The following PEAK1 variants were observed in gnomAD, a reference collection of about 807,000 sequenced individuals.
PEAK1 encodes pseudopodium enriched atypical kinase 1, also known as inactive tyrosine-protein kinase PEAK1.
PEAK1 carries 54 observed loss-of-function variants against 124.7 expected under a neutral mutation model. That is an observed-to-expected ratio of 0.43 (90% confidence interval 0.35 to 0.54). The LOEUF is 0.54. Among genes scored for constraint, PEAK1 ranks in the 20% least tolerant of loss-of-function variants. The pLI is 0.01. For missense variants in PEAK1, 2,046 were observed against 2,134.5 expected, an observed-to-expected ratio of 0.96 and a Z score of 0.82; for synonymous variants, 719 against 760.0, an observed-to-expected ratio of 0.95 and a Z score of 0.89.
intron 6 of PEAK1, among the ~76,000 whole-genome samples, chr15:77,188,914 G>A (rs1342642976): frequency 6.6e-6 from 1 of 151,952 alleles, no homozygotes; most frequent in Non-Finnish European, 1.5e-5. Context: ...CTCATAATTC[G>A]GCCAGGTGCG....
At chr15:77,150,454 A>G (rs1451102924) in intron 8 of PEAK1, among the ~76,000 whole-genome samples, 1 of 151,918 alleles carries the variant, frequency 6.6e-6, no homozygotes, top group Admixed American at 6.6e-5. Context: ...GCAATGCTTT[A>G]TTTTTTTTCT....
At chr15:77,135,076 C>T (rs748356163) in intron 8 of PEAK1, among the ~76,000 whole-genome samples, 1 of 152,208 alleles carries the variant, frequency 6.6e-6, no homozygotes, top group Non-Finnish European at 1.5e-5. Context: ...TACCCACTGT[C>T]TCAGAGGGAA....
At chr15:77,350,831 CTGT>C in intron 2 of PEAK1, 1 of 980,270 alleles carries the variant, frequency 1.0e-6, no homozygotes, top group Non-Finnish European at 1.2e-6. Context: ...TTGTAATTGG[CTGT>C]TAAGAAACAT....
intron 1 of PEAK1, among the ~76,000 whole-genome samples, chr15:77,383,708 T>C (rs1480276897): frequency 6.6e-6 from 1 of 152,262 alleles, no homozygotes; most frequent in Non-Finnish European, 1.5e-5. Context: ...ACCAAATTAA[T>C]GGTTCTAATA....
At chr15:77,323,795 T>A (rs895802880) in intron 2 of PEAK1, among the ~76,000 whole-genome samples, 1 of 152,120 alleles carries the variant, frequency 6.6e-6, no homozygotes, top group Non-Finnish European at 1.5e-5. Context: ...TTAAAGTTCA[T>A]ATGGAACCAA....
chr15:77,358,066 C>T (rs1489332826), intron 2 of PEAK1, among the ~76,000 whole-genome samples: 3 of 152,194 alleles, frequency 2.0e-5, no homozygotes, highest in African/African-American at 4.8e-5. Context: ...GCACTTCCTT[C>T]CCTCAGAAGA....
chr15:77,132,819 T>C (rs1815324689), intron 9 of PEAK1, among the ~76,000 whole-genome samples, 186 bp downstream of exon 9: 7 of 151,992 alleles, frequency 4.6e-5, no homozygotes, highest in Admixed American at 4.6e-4. Flanking sequence ...TTCTGTTAAG[T>C]TACGTATCTG....
intron 5 of PEAK1, among the ~76,000 whole-genome samples, chr15:77,265,036 A>G (rs1413017459): frequency 2.6e-5 from 4 of 152,230 alleles, no homozygotes; most frequent in African/African-American, 7.2e-5. Flanking sequence ...TGGTGCTGGG[A>G]AAACTGTCTA....
chr15:77,311,681 C>A (rs1197791138), intron 2 of PEAK1, among the ~76,000 whole-genome samples: 18 of 86,036 alleles, frequency 2.1e-4, no homozygotes, highest in Non-Finnish European at 4.1e-4. Context: ...CCCCCCAACC[C>A]CCACAAAAAA....
chr15:77,117,367 A>G (rs552994125), intron 9 of PEAK1, among the ~76,000 whole-genome samples: 2 of 152,356 alleles, frequency 1.3e-5, no homozygotes, highest in East Asian at 3.9e-4. Flanking sequence ...GAACACTGAA[A>G]TCTACTTCAC....
chr15:77,204,384 T>TG (rs2058523468), intron 6 of PEAK1, among the ~76,000 whole-genome samples: 1 of 152,192 alleles, frequency 6.6e-6, no homozygotes, highest in African/African-American at 2.4e-5. Flanking sequence ...AATCCAGCAA[T>TG]CATACTTCTT....
rs968091252 is a variant in PEAK1, at chr15:77,402,131, A to G, written c.-666+17875T>C. On this transcript the variant is annotated intron_variant, in intron 1 of 9. Transcript: ENST00000682557. ...GGATAATTGTTTCAACCCGGGAGGC[A>G]GAGGTTGTAGTGAGCCAAGAGGGAC... The G allele has an allele frequency of 3.1e-5, 29 of 936,736 alleles. No homozygotes were observed. The African/African-American group carries it at 3.1e-4, about 10-fold the overall frequency. 58.0% of individuals were successfully genotyped at this position (936,736 alleles called of 1,614,324 possible).
intron 2 of PEAK1, among the ~76,000 whole-genome samples, chr15:77,327,265 G>A (rs2065635118): frequency 1.3e-5 from 2 of 152,114 alleles, no homozygotes; most frequent in African/African-American, 2.4e-5. Context: ...ATATTTGGAT[G>A]TTAGGTTGAG....
chr15:77,347,722 A>G (rs1042815224), intron 2 of PEAK1: 2 of 973,640 alleles, frequency 2.1e-6, no homozygotes, highest in African/African-American at 3.5e-5. Context: ...TCCATGTTTA[A>G]AACTCTTCCT....
At chr15:77,356,682 C>T (rs971919335) in intron 2 of PEAK1, among the ~76,000 whole-genome samples, 5 of 151,940 alleles carry the variant, frequency 3.3e-5, no homozygotes, top group Non-Finnish European at 7.4e-5. Context: ...GTTGTCTTTA[C>T]GTTTCAACAA....
At chr15:77,388,054 G>A (rs574829749) in intron 1 of PEAK1, among the ~76,000 whole-genome samples, 115 of 152,236 alleles carry the variant, frequency 7.6e-4, no homozygotes, top group African/African-American at 2.5e-3. Context: ...TTAGCTGGGC[G>A]TGGTGGTGTG....
At chr15:77,408,626 T>C (rs2072140731) in intron 1 of PEAK1, among the ~76,000 whole-genome samples, 1 of 152,154 alleles carries the variant, frequency 6.6e-6, no homozygotes, top group South Asian at 2.1e-4. Context: ...TATTTTCTAC[T>C]GTTTCTCCAA....
In PEAK1 at chr15:77,399,488, C is replaced by T. The variant is rs377347443; in HGVS notation, c.-666+20518G>A. ...AAAATAAACTCACAGACCAATGGAA[C>T]AAAATGGAGAACCCAAAAACAAATG... On this transcript the variant is annotated intron_variant, in intron 1 of 9. Transcript: ENST00000682557. 5.2e-4 allele frequency among the ~76,000 whole-genome samples: 79 copies of T among 152,208 alleles called. No homozygotes were observed. The South Asian group carries it at 8.9e-3, about 17-fold the overall frequency.
chr15:77,223,440 G>A (rs1335722167), intron 6 of PEAK1, among the ~76,000 whole-genome samples: 1 of 151,988 alleles, frequency 6.6e-6, no homozygotes, highest in Non-Finnish European at 1.5e-5. Context: ...AGCAAGAGCT[G>A]TCTTCATCAA....
Sources: allele counts gnomAD v4.1 joint callset (sites outside exome capture counted in the v4.1 genomes callset), GRCh38; gene constraint gnomAD v4.1.1; transcripts MANE v1.5; gene names NCBI Gene and HGNC (gene_info 2026-07-23, HGNC 2026-07-21).